Variants in FAM81B observed in about 807,000 individuals in gnomAD.
FAM81B encodes the protein family with sequence similarity 81 member B.
Under a neutral mutation model 58.7 loss-of-function variants are expected in FAM81B, and 60 were observed. The observed-to-expected ratio is 1.02, with a 90% CI of 0.83 to 1.27. The LOEUF is 1.27. Ranked by LOEUF, FAM81B falls within the 50% of genes most tolerant of loss-of-function variation. The pLI is 0.00. For missense variants in FAM81B, 491 were observed against 522.0 expected (o/e 0.94, Z 0.58); for synonymous variants, 189 against 179.6 (o/e 1.05, Z -0.42).
chr5:95,391,933 A>C (rs936055209), intron 1 of FAM81B, among the ~76,000 whole-genome samples: 3 of 152,218 alleles, frequency 2.0e-5, no homozygotes, highest in African/African-American at 7.2e-5. Flanking sequence ...ACCATGTGGA[A>C]GACAGTGAGG....
In FAM81B at chr5:95,424,719, C is replaced by T. The variant is rs189382790; in HGVS notation, c.657-3884C>T. On this transcript the variant is annotated intron_variant, in intron 5 of 9. Coordinates refer to ENST00000283357, the MANE Select transcript of FAM81B (RefSeq NM_152548.3). ...ATTTTCAAAAGGCTTCAGGCCCTTGCCACTAGGGAGAGGAACTGAGAGAGG... is the reference window on the plus strand; with the variant it reads ...ATTTTCAAAAGGCTTCAGGCCCTTGTCACTAGGGAGAGGAACTGAGAGAGG... Among the ~76,000 whole-genome samples the T allele has an allele frequency of 1.8e-4, 27 of 152,288 alleles. 1 individual carries two copies. Among genetic ancestry groups the T allele is most frequent in the Admixed American group, 1.5e-3 (23 of 15,296 alleles).
At chr5:95,415,805 T>G (rs766297001) in intron 4 of FAM81B, among the ~76,000 whole-genome samples, 4 of 152,208 alleles carry the variant, frequency 2.6e-5, no homozygotes, top group Non-Finnish European at 5.9e-5. Context: ...TACATTACAT[T>G]GAGTCAAGAT....
chr5:95,426,919 C>A (rs566686921), intron 5 of FAM81B, among the ~76,000 whole-genome samples: 3 of 152,140 alleles, frequency 2.0e-5, no homozygotes, highest in Non-Finnish European at 4.4e-5. Context: ...CGTGGTGGCG[C>A]ATGCCTGTAG....
At chr5:95,421,636 T>C (rs1762688077) in intron 5 of FAM81B, among the ~76,000 whole-genome samples, 1 of 151,726 alleles carries the variant, frequency 6.6e-6, no homozygotes, top group Non-Finnish European at 1.5e-5. Flanking sequence ...GGGTGGCATA[T>C]CATATTTTGT....
chr5:95,397,108 C>T (rs990482942), intron 3 of FAM81B: 3 of 152,148 alleles, frequency 2.0e-5, no homozygotes, highest in Admixed American at 2.0e-4. Flanking sequence ...GATTTCTTCA[C>T]TAATTTTTAC....
intron 7 of FAM81B, among the ~76,000 whole-genome samples, chr5:95,437,126 C>T (rs1370203367): frequency 6.6e-6 from 1 of 152,024 alleles, no homozygotes; most frequent in Admixed American, 6.6e-5. Flanking sequence ...TTTGACTGCA[C>T]AATATCTCAA....
intron 3 of FAM81B, among the ~76,000 whole-genome samples, chr5:95,401,737 T>C (rs919436852): frequency 3.3e-5 from 5 of 152,188 alleles, no homozygotes; most frequent in African/African-American, 1.2e-4. Context: ...TATTACAGGT[T>C]GCCAAAATGG....
intron 5 of FAM81B, among the ~76,000 whole-genome samples, chr5:95,422,138 GGAAAGACTT>G (rs78891315): frequency 0.21 from 31,155 of 151,694 alleles, 3,290 homozygotes; most frequent in African/African-American, 0.25. Context: ...TGTGGCTTTG[GGAAAGACTT>G]GAAAGACTTT....
rs1745572459 is a variant in FAM81B at position 95,446,608 on chromosome 5, A to G, written c.940A>G (p.Lys314Glu). The G allele has an allele frequency of 6.2e-7, 1 of 1,612,282 alleles. No individual in the cohort carries two copies. The highest frequency in any genetic ancestry group is 2.2e-5 in the East Asian group (1 of 44,850). ...SNLYEEVENN[K>E]KWTENQFLKY... Reference sequence around the variant, plus strand: ...TCTGTACGAAGAAGTTGAGAATAATAAAAAATGGACAGAAAACCAATTTCT... The same window carrying G: ...TCTGTACGAAGAAGTTGAGAATAATGAAAAATGGACAGAAAACCAATTTCT... Residue 314 changes from lysine to glutamate, a missense_variant, in exon 8 of 10, where the codon AAA becomes GAA. Lys to Glu is a moderately conservative substitution (Grantham distance 56). Coordinates refer to ENST00000283357, the MANE Select transcript of FAM81B (RefSeq NM_152548.3).
chr5:95,448,364 TA>T lies in FAM81B; in HGVS notation c.1128del (p.Val377Ter). 1.9e-6 allele frequency: 3 copies of T among 1,612,962 alleles called. No homozygotes were observed. Among genetic ancestry groups the T allele is most frequent in the Non-Finnish European group, 2.5e-6 (3 of 1,179,662 alleles). ...NTQKQETQLS[K>X]VKHMENKLSK... Reference sequence around the variant, plus strand: ...CACAGAAACAGGAAACACAACTAAGTAAAGTAAAGCATATGGAAAATAAATT... The same window carrying T: ...CACAGAAACAGGAAACACAACTAAGTAAGTAAAGCATATGGAAAATAAATT... On this transcript the variant is annotated frameshift_variant, in exon 9 of 10. Coordinates refer to ENST00000283357, the MANE Select transcript of FAM81B (RefSeq NM_152548.3). LOFTEE classifies it high-confidence loss of function.
chr5:95,448,222 A>T, intron 8 of FAM81B, 47 bp from the exon 9 acceptor site: 1 of 1,500,204 alleles, frequency 6.7e-7, no homozygotes, highest in Non-Finnish European at 9.0e-7. Flanking sequence ...GCTGAAAGAT[A>T]AATCCATGTA....
chr5:95,394,603 C>G (rs771926476), intron 2 of FAM81B, among the ~76,000 whole-genome samples: 2 of 152,160 alleles, frequency 1.3e-5, no homozygotes, highest in Non-Finnish European at 2.9e-5. Flanking sequence ...ACGTGGCCAC[C>G]TGAGTGCCCA....
chr5:95,418,688 G>T (rs1428960357), intron 4 of FAM81B, among the ~76,000 whole-genome samples: 1 of 152,048 alleles, frequency 6.6e-6, no homozygotes, highest in Non-Finnish European at 1.5e-5. Flanking sequence ...TCCACTGGGG[G>T]TCTTAGAACG....
intron 7 of FAM81B, among the ~76,000 whole-genome samples, chr5:95,438,567 C>A (rs890623891): frequency 6.6e-6 from 1 of 152,110 alleles, no homozygotes; most frequent in Non-Finnish European, 1.5e-5. Context: ...GTAGTTAAAT[C>A]TGAATCTGGA....
At position 95,391,469 on chromosome 5, in the gene FAM81B, A is replaced by G. The variant is rs774936097; in HGVS notation, c.80A>G (p.Lys27Arg). Residue 27 changes from lysine (K) to arginine (R), a missense_variant, in exon 1 of 10, where the codon AAA becomes AGA. Lys to Arg is a conservative substitution (Grantham distance 26, BLOSUM62 2). Transcript: ENST00000283357. ...CAGAGATTGTTTTTCAAAAATATCA[A>G]ATCTACAAAAAATAAAGCTGGAAAA... ...KSQRLFFKNI[K>R]STKNKAGKAS... The G allele has an allele frequency of 4.5e-5, 73 of 1,613,654 alleles. No individual in the cohort carries two copies. In the Admixed American group the frequency reaches 1.2e-3, roughly 26 times the overall value.
chr5:95,444,707 C>G (rs903897887), intron 7 of FAM81B, among the ~76,000 whole-genome samples: 24 of 152,126 alleles, frequency 1.6e-4, no homozygotes, highest in African/African-American at 5.8e-4. Flanking sequence ...AAATATCACT[C>G]TGTGTCAAAA....
intron 3 of FAM81B, among the ~76,000 whole-genome samples, chr5:95,409,384 C>G (rs1181710958): frequency 6.6e-6 from 1 of 151,918 alleles, no homozygotes; most frequent in Non-Finnish European, 1.5e-5. Flanking sequence ...GTTTCAAATT[C>G]CTGACCTCAA....
chr5:95,448,269 GAA>G lies in FAM81B; in HGVS notation c.1033_1034del (p.Lys345ValfsTer2). 6.3e-7 allele frequency: 1 copy of G among 1,597,588 alleles called. No homozygotes were observed. The highest frequency in any genetic ancestry group is 8.5e-7 in the Non-Finnish European group (1 of 1,175,676). On this transcript the variant is annotated frameshift_variant and splice_region_variant, in exon 9 of 10. Coordinates refer to ENST00000283357, the MANE Select transcript of FAM81B (RefSeq NM_152548.3). LOFTEE classifies it high-confidence loss of function. ...TTTTATCCCATAATCTCTTTTACAG[GAA>G]AAGTCTGAAAATAAAATGGAAGAAA... ...ECLKVLQEKL[E>X]KSENKMEEKL...
At chr5:95,413,440 T>C (rs1762455511) in intron 3 of FAM81B, among the ~76,000 whole-genome samples, 1 of 152,164 alleles carries the variant, frequency 6.6e-6, no homozygotes, top group South Asian at 2.1e-4. Context: ...AGAATAATTC[T>C]GTTAGACAAT....
Sources: gnomAD v4.1 joint callset for allele counts (sites outside exome capture counted in the v4.1 genomes callset) on GRCh38, gnomAD v4.1.1 for gene constraint, MANE v1.5 for transcripts, NCBI Gene and HGNC (gene_info 2026-07-23, HGNC 2026-07-21) for gene names.